The following UNC13C variants were observed in gnomAD, a reference collection of about 807,000 sequenced individuals.
UNC13C encodes the protein unc-13 homolog C, also known as protein unc-13 homolog C.
UNC13C carries 174 observed loss-of-function variants against 245.4 expected under a neutral mutation model. That is an observed-to-expected ratio of 0.71 (90% confidence interval 0.63 to 0.80). The LOEUF is 0.80. Ranked by LOEUF, UNC13C falls within the 30% of genes least tolerant of loss-of-function variation. The pLI is 0.00. For synonymous variants in UNC13C, 992 were observed against 895.1 expected (o/e 1.11, Z -1.93); for missense variants, 2,829 against 2,602.9 (o/e 1.09, Z -1.89).
intron 26 of UNC13C, among the ~76,000 whole-genome samples, chr15:54,533,569 T>G (rs935992809): frequency 6.6e-6 from 1 of 152,212 alleles, no homozygotes; most frequent in Non-Finnish European, 1.5e-5. Flanking sequence ...TCAAACCATA[T>G]TTTACACACT....
intron 4 of UNC13C, among the ~76,000 whole-genome samples, chr15:54,224,101 T>A (rs1381361812): frequency 1.3e-5 from 2 of 152,134 alleles, no homozygotes; most frequent in Non-Finnish European, 2.9e-5. Context: ...ATTTGACTTC[T>A]TCCTTTCCAG....
chr15:54,299,543 A>T (rs2037522376), intron 12 of UNC13C, among the ~76,000 whole-genome samples: 1 of 152,110 alleles, frequency 6.6e-6, no homozygotes, highest in Non-Finnish European at 1.5e-5. Flanking sequence ...AAAAACACTC[A>T]CTTCCTTCTG....
At chr15:54,332,145 G>A (rs763904072) in intron 15 of UNC13C, 34 bp downstream of exon 15, 4 of 1,423,218 alleles carry the variant, frequency 2.8e-6, no homozygotes, top group African/African-American at 1.4e-5. Flanking sequence ...AAAGAAAACT[G>A]TTGTTTGGTC....
At chr15:53,946,345 A>G in the UNC13C span, among the ~76,000 whole-genome samples, 1 of 151,856 alleles carries the variant, frequency 6.6e-6, no homozygotes, top group African/African-American at 2.4e-5. Context: ...GCTTTTGCCT[A>G]TTCTGTATGT....
chr15:54,097,763 T>G (rs763408503), intron 2 of UNC13C, among the ~76,000 whole-genome samples: 15 of 152,162 alleles, frequency 9.9e-5, no homozygotes, highest in Non-Finnish European at 1.9e-4. Context: ...CTGTGTGTAG[T>G]TATGTGACTG....
chr15:54,329,091 T>G (rs2038372425), intron 14 of UNC13C, among the ~76,000 whole-genome samples: 1 of 151,260 alleles, frequency 6.6e-6, no homozygotes, highest in East Asian at 1.9e-4. Context: ...GTTTTTTTTT[T>G]TTTTTTTTTT....
At chr15:54,051,313 T>A (rs1897257410) in intron 2 of UNC13C, among the ~76,000 whole-genome samples, 1 of 152,202 alleles carries the variant, frequency 6.6e-6, no homozygotes. Flanking sequence ...TGGATGCAAT[T>A]TCATCATTTT....
chr15:54,449,742 A>C (rs182888888), intron 19 of UNC13C, among the ~76,000 whole-genome samples: 1 of 152,108 alleles, frequency 6.6e-6, no homozygotes, highest in Non-Finnish European at 1.5e-5. Flanking sequence ...AGCTTGGAGA[A>C]GTTTGATCGT....
At chr15:53,946,518 C>T in the UNC13C span, among the ~76,000 whole-genome samples, 1 of 148,622 alleles carries the variant, frequency 6.7e-6, no homozygotes, top group African/African-American at 2.5e-5. Context: ...GTCAGGAGTT[C>T]AAGACTAGCC....
intron 18 of UNC13C, among the ~76,000 whole-genome samples, chr15:54,403,365 C>T (rs1050762919): frequency 2.0e-5 from 3 of 151,944 alleles, no homozygotes; most frequent in African/African-American, 7.3e-5. Context: ...ATGATCAGAC[C>T]ACTGCACTTC....
chr15:54,160,625 G>A (rs2032934843), intron 4 of UNC13C, among the ~76,000 whole-genome samples: 1 of 152,044 alleles, frequency 6.6e-6, no homozygotes, highest in Admixed American at 6.6e-5. Flanking sequence ...CTAAATAGCT[G>A]TTCAAAAGTA....
intron 30 of UNC13C, among the ~76,000 whole-genome samples, chr15:54,597,501 C>T (rs188951586): frequency 1.7e-4 from 26 of 152,236 alleles, no homozygotes; most frequent in East Asian, 1.5e-3. Flanking sequence ...ACTCCAGATA[C>T]GTCTGGGGTA....
intron 19 of UNC13C, among the ~76,000 whole-genome samples, chr15:54,491,580 T>C (rs1351939977): frequency 1.3e-5 from 2 of 152,188 alleles, no homozygotes; most frequent in Non-Finnish European, 2.9e-5. Context: ...TTTAGCAAAA[T>C]CACTAATTTG....
Position 54,546,735 on chromosome 15 carries a change from G to C in UNC13C, c.5710G>C (p.Ala1904Pro), listed in dbSNP as rs763536936. The C allele has an allele frequency of 6.6e-7, 1 of 1,505,024 alleles. No individual in the cohort carries two copies. Among genetic ancestry groups the C allele is most frequent in the Admixed American group, 2.3e-5 (1 of 43,778 alleles). 93.2% of individuals were successfully genotyped at this position (1,505,024 alleles called of 1,614,324 possible). The change falls in exon 27 of 33, where the codon GCA becomes CCA. Residue 1904 changes from alanine to proline, a missense_variant. By Grantham distance (27) the Ala-to-Pro change is conservative (BLOSUM62 -1). Coordinates refer to ENST00000260323, the MANE Select transcript of UNC13C (RefSeq NM_001080534.3). ...DFLDKTLSLS[A>P]KICEKTVLKR... ...TTTTTTTTTCAGATTAAGTCTCTCA[G>C]CAAAAATCTGTGAGAAAACAGTCCT...
intron 20 of UNC13C, among the ~76,000 whole-genome samples, chr15:54,497,274 G>A (rs1389010232): frequency 6.6e-6 from 1 of 152,150 alleles, no homozygotes; most frequent in Non-Finnish European, 1.5e-5. Flanking sequence ...GCACTAAGGT[G>A]AGTCCTGTAT....
rs186441519 is a variant in UNC13C at position 54,221,160 on chromosome 15, A to G, written c.3072-13870A>G. Among the ~76,000 whole-genome samples, 46 of 152,138 alleles carry G rather than the reference A, an allele frequency of 3.0e-4. No individual in the cohort carries two copies. In the East Asian group the frequency reaches 8.7e-3, roughly 29 times the overall value. ...TAACAAAAGTCTATGTCATACATAG[A>G]TTTTTCGTGTCAGTTTATGAGGGAC... On this transcript the variant is annotated intron_variant, in intron 4 of 32. Transcript: ENST00000260323.
chr15:54,278,330 A>G (rs972545100), intron 10 of UNC13C, among the ~76,000 whole-genome samples: 4 of 152,280 alleles, frequency 2.6e-5, no homozygotes, highest in Middle Eastern at 6.8e-3. Context: ...GTCACATGTC[A>G]GGTTAATATT....
intron 1 of UNC13C, among the ~76,000 whole-genome samples, chr15:54,003,004 T>G (rs1894965809): frequency 6.6e-6 from 1 of 152,152 alleles, no homozygotes; most frequent in Non-Finnish European, 1.5e-5. Flanking sequence ...GCTTTCCTTT[T>G]CATGCTGTGT....
At chr15:54,394,852 G>T (rs1193721651) in intron 18 of UNC13C, among the ~76,000 whole-genome samples, 2 of 151,830 alleles carry the variant, frequency 1.3e-5, no homozygotes, top group Non-Finnish European at 1.5e-5. Flanking sequence ...TATATACAAA[G>T]ATTTTAGTTG....
Sources: allele counts gnomAD v4.1 joint callset (sites outside exome capture counted in the v4.1 genomes callset), GRCh38; gene constraint gnomAD v4.1.1; transcripts MANE v1.5; gene names NCBI Gene and HGNC (gene_info 2026-07-23, HGNC 2026-07-21).